Variants in ZC3H7A observed in about 807,000 individuals in gnomAD.
The protein encoded by ZC3H7A is zinc finger CCCH domain-containing protein 7A.
A neutral mutation model predicts 125.5 loss-of-function variants in ZC3H7A; 44 were observed. That is an observed-to-expected ratio of 0.35 (90% CI 0.28 to 0.45). The LOEUF is 0.45. Ranked by LOEUF, ZC3H7A falls within the 20% of genes least tolerant of loss-of-function variation. ZC3H7A has a pLI of 1.00. For missense variants in ZC3H7A, 977 were observed against 1,170.7 expected (o/e 0.83, Z 2.41); for synonymous variants, 399 against 391.2 (o/e 1.02, Z -0.23).
intron 10 of ZC3H7A, among the ~76,000 whole-genome samples, chr16:11,769,952 A>C (rs1022930346): frequency 6.6e-6 from 1 of 150,638 alleles, no homozygotes; most frequent in Non-Finnish European, 1.5e-5. Context: ...ATACCCAGCT[A>C]ATTTTTATAT....
In ZC3H7A at chr16:11,778,572, G is replaced by A. The variant is rs2053123098; in HGVS notation, c.306+594C>T. The stretch of plus-strand genomic sequence containing the variant: ...AAGACACACTGACCTGTGAAGACCT[G>A]TATCTTCCCTGGATGACTTTTTTAT... On this transcript the variant is annotated intron_variant, in intron 4 of 22. Coordinates refer to ENST00000355758, the MANE Select transcript of ZC3H7A (RefSeq NM_014153.4). 4.0e-5 allele frequency among the ~76,000 whole-genome samples: 6 copies of A among 151,896 alleles called. 1 individual carries two copies. The South Asian group carries it at 1.2e-3, about 32-fold the overall frequency.
chr16:11,750,967 G>C lies in ZC3H7A; in HGVS notation c.*350C>G, dbSNP rs1024815607. 12 of 171,626 alleles carry C rather than the reference G, an allele frequency of 7.0e-5. No homozygotes were observed. The East Asian group carries it at 2.0e-3, about 29-fold the overall frequency. The allele number at this position is 171,626 out of a possible 1,614,324, so 10.6% of individuals were successfully genotyped here. ...TCATCCATCATGTATTCTGATCCCA[G>C]TACAAGTGTTTATTCTCTTACCGTC... On this transcript the variant is annotated 3_prime_UTR_variant, in exon 23 of 23. Coordinates refer to ENST00000355758, the MANE Select transcript of ZC3H7A (RefSeq NM_014153.4).
chr16:11,774,660 T>C (rs1378507668), intron 8 of ZC3H7A, 141 bp from the exon 9 acceptor site: 2 of 1,068,662 alleles, frequency 1.9e-6, no homozygotes, highest in East Asian at 2.7e-5. Context: ...AGTAAAGCAA[T>C]TCCAAACAGA....
intron 1 of ZC3H7A, among the ~76,000 whole-genome samples, chr16:11,794,873 CAG>C: frequency 6.6e-6 from 1 of 152,294 alleles, no homozygotes; most frequent in East Asian, 1.9e-4. Flanking sequence ...CAAAAACTGA[CAG>C]AATCTGGGGA....
Position 11,763,592 on chromosome 16 carries a change from A to G in ZC3H7A, c.1888T>C (p.Cys630Arg). The change falls in exon 16 of 23, where the codon TGT (cysteine) becomes CGT (arginine). Residue 630 changes from cysteine (C) to arginine (R), a missense_variant. Around this residue, in one of 3 missense-constraint regions of ZC3H7A, gnomAD observed 436 missense variants for 603.2 expected, o/e 0.72. Transcript: ENST00000355758. ...TCATGTCGACATAAATCAAGCTGACACTGACCATGAAAAGAACGTATTTTG... is the reference window on the plus strand; with the variant it reads ...TCATGTCGACATAAATCAAGCTGACGCTGACCATGAAAAGAACGTATTTTG... ...YSKIRSFHGQ[C>R]QLDLCRHEVR... 1 of 1,611,350 alleles carries G rather than the reference A, an allele frequency of 6.2e-7. No homozygotes were observed. Among genetic ancestry groups the G allele is most frequent in the Non-Finnish European group, 8.5e-7 (1 of 1,178,578 alleles).
Position 11,767,595 on chromosome 16 carries a change from G to A in ZC3H7A, c.1361-17C>T. On this transcript the variant is annotated splice_polypyrimidine_tract_variant and intron_variant, in intron 12 of 22. Transcript: ENST00000355758. ...ACTTAGGGCCTGAAAAAGATGTAAAGAGGATTGCTTATATGCACAAAAAAT... is the reference window on the plus strand; with the variant it reads ...ACTTAGGGCCTGAAAAAGATGTAAAAAGGATTGCTTATATGCACAAAAAAT... The A allele has an allele frequency of 6.5e-7, 1 of 1,547,078 alleles. No homozygotes were observed. Among genetic ancestry groups the A allele is most frequent in the Non-Finnish European group, 8.7e-7 (1 of 1,149,508 alleles).
rs1596384436 is a variant in ZC3H7A, at chr16:11,765,650, G to T, written c.1558C>A (p.His520Asn). 1 of 1,613,706 alleles carries T rather than the reference G, an allele frequency of 6.2e-7. No homozygotes were observed. Among genetic ancestry groups the T allele is most frequent in the Non-Finnish European group, 8.5e-7 (1 of 1,179,774 alleles). The stretch of plus-strand genomic sequence containing the variant: ...TCTTGGCAATAAGCAAACGTGCAGT[G>T]GCCTGAATATCTACATTCCTCCTCA... ...AAEEECRYSG[H>N]CTFAYCQEEI... Residue 520 changes from histidine (H) to asparagine (N), a missense_variant, in exon 14 of 23, where the codon CAC becomes AAC. Coordinates refer to ENST00000355758, the MANE Select transcript of ZC3H7A (RefSeq NM_014153.4). The surrounding 1 kb of genome is among the most constrained non-coding windows in gnomAD (Gnocchi z 4.8).
At chr16:11,762,190 C>G (rs946002077) in intron 17 of ZC3H7A, 147 bp from the exon 18 acceptor site, 2 of 798,000 alleles carry the variant, frequency 2.5e-6, no homozygotes, top group East Asian at 2.9e-5. Flanking sequence ...TATCTGATAA[C>G]TAAATCTCCA....
At chr16:11,756,797 C>G (rs2052656605) in intron 20 of ZC3H7A, among the ~76,000 whole-genome samples, 1 of 152,146 alleles carries the variant, frequency 6.6e-6, no homozygotes, top group African/African-American at 2.4e-5. Context: ...TCACTGCTTA[C>G]TGAGAAAGAT....
intron 3 of ZC3H7A, 53 bp downstream of exon 3, chr16:11,781,372 C>G: frequency 1.3e-6 from 2 of 1,563,574 alleles, no homozygotes; most frequent in Non-Finnish European, 1.7e-6. Flanking sequence ...CTACAAATTA[C>G]AGTTCACAAG....
intron 3 of ZC3H7A, among the ~76,000 whole-genome samples, chr16:11,780,583 A>G (rs2053159494): frequency 6.6e-6 from 1 of 152,232 alleles, no homozygotes. Context: ...AACTCGTGAC[A>G]TGCCACTTAA....
intron 22 of ZC3H7A, among the ~76,000 whole-genome samples, 156 bp downstream of exon 22, chr16:11,752,513 G>A (rs1003478808): frequency 2.0e-5 from 3 of 152,138 alleles, no homozygotes; most frequent in Admixed American, 6.5e-5. Context: ...GATGAGCAGC[G>A]AAACACTTTG....
At chr16:11,773,655 G>A (rs942846071) in intron 9 of ZC3H7A, among the ~76,000 whole-genome samples, 2 of 151,780 alleles carry the variant, frequency 1.3e-5, no homozygotes, top group African/African-American at 4.9e-5. Flanking sequence ...GGCCGAGGCG[G>A]GTGGATCACG....
chr16:11,791,146 C>T (rs2053344670), intron 1 of ZC3H7A, among the ~76,000 whole-genome samples: 1 of 151,154 alleles, frequency 6.6e-6, no homozygotes, highest in African/African-American at 2.4e-5. Flanking sequence ...AATGCTTGCA[C>T]TCTGCTTAAG....
Position 11,767,470 on chromosome 16 carries a change from AT to A in ZC3H7A, c.1468del (p.Ile490TyrfsTer41). ...KNVEDKSWKK[I>X]RPRPTKTNYE... ...ATTTGTTTTTGTTGGTCTTGGACGT[AT>A]TTTTTTCCATGATTTATCTTCAACA... On this transcript the variant is annotated frameshift_variant, in exon 13 of 23. Coordinates refer to ENST00000355758, the MANE Select transcript of ZC3H7A (RefSeq NM_014153.4). LOFTEE classifies it high-confidence loss of function. The A allele has an allele frequency of 1.9e-6, 3 of 1,610,964 alleles. No individual in the cohort carries two copies. Among genetic ancestry groups the A allele is most frequent in the Non-Finnish European group, 1.7e-6 (2 of 1,177,958 alleles).
Position 11,771,004 on chromosome 16 carries a change from G to A in ZC3H7A, c.904-17C>T. ...AGCTGACGGCTGCGGAAGAAAAAAA[G>A]ATGTGATTAAAATTCATGAAGCTGT... On this transcript the variant is annotated splice_polypyrimidine_tract_variant and intron_variant, in intron 9 of 22. Transcript: ENST00000355758. 1 of 1,582,462 alleles carries A rather than the reference G, an allele frequency of 6.3e-7. No individual in the cohort carries two copies. Among genetic ancestry groups the A allele is most frequent in the African/African-American group, 1.4e-5 (1 of 73,472 alleles).
Position 11,762,708 on chromosome 16 carries a change from T to C in ZC3H7A, c.2042A>G (p.Tyr681Cys). The C allele has an allele frequency of 6.2e-7, 1 of 1,614,024 alleles. No homozygotes were observed. The highest frequency in any genetic ancestry group is 8.5e-7 in the Non-Finnish European group (1 of 1,180,018). Residue 681 changes from tyrosine to cysteine, a missense_variant, in exon 17 of 23, where the codon TAT becomes TGT. By Grantham distance (194) the Tyr-to-Cys change is radical. Around this residue, in one of 3 missense-constraint regions of ZC3H7A, gnomAD observed 436 missense variants for 603.2 expected, o/e 0.72. Coordinates refer to ENST00000355758, the MANE Select transcript of ZC3H7A (RefSeq NM_014153.4). ...HDAIAQESKR[Y>C]WQNLEANVPG... is the part of the protein sequence containing the mutation. ...TACATTTGCTTCCAAATTCTGCCAATATCGTTTAGACTCTTGAGCAATAGC... is the reference window on the plus strand; with the variant it reads ...TACATTTGCTTCCAAATTCTGCCAACATCGTTTAGACTCTTGAGCAATAGC...
chr16:11,777,878 G>C (rs1471218097), intron 4 of ZC3H7A, among the ~76,000 whole-genome samples: 2 of 151,980 alleles, frequency 1.3e-5, no homozygotes, highest in Non-Finnish European at 2.9e-5. Context: ...AATTAGCCAG[G>C]TGTGGTGGTA....
intron 21 of ZC3H7A, among the ~76,000 whole-genome samples, chr16:11,754,915 G>C (rs945821665): frequency 1.2e-5 from 1 of 84,658 alleles, no homozygotes; most frequent in Non-Finnish European, 2.4e-5. Context: ...AAAAAAAAAA[G>C]AATACATGTG....
Sources: gnomAD v4.1 joint callset for allele counts (sites outside exome capture counted in the v4.1 genomes callset) on GRCh38, gnomAD v4.1.1 for gene constraint, gnomAD v4.1.1 regional missense constraint, Gnocchi (gnomAD v3.1) non-coding constraint, MANE v1.5 for transcripts, NCBI Gene and HGNC (gene_info 2026-07-23, HGNC 2026-07-21) for gene names.